The following DCC variants were observed in gnomAD, a reference collection of about 807,000 sequenced individuals.
DCC encodes the protein DCC netrin 1 receptor.
DCC carries 58 observed loss-of-function variants against 172.5 expected under a neutral mutation model. The ratio of observed to expected loss-of-function variants is 0.34; its 90% CI spans 0.27 to 0.42. The LOEUF is 0.42. Among genes scored for constraint, DCC ranks in the 10% least tolerant of loss-of-function variants. DCC has a pLI of 1.00. For missense variants in DCC, 1,740 were observed against 1,791.0 expected, an observed-to-expected ratio of 0.97 and a Z score of 0.51; for synonymous variants, 709 against 644.5, an observed-to-expected ratio of 1.10 and a Z score of -1.52.
At chr18:53,424,529 G>A (rs888200755) in intron 21 of DCC, among the ~76,000 whole-genome samples, 14 of 152,156 alleles carry the variant, frequency 9.2e-5, no homozygotes, top group African/African-American at 3.1e-4. Flanking sequence ...ACATGTGTAT[G>A]TTACGGGATT....
chr18:53,127,082 G>A (rs2043568807), intron 7 of DCC, among the ~76,000 whole-genome samples: 1 of 150,504 alleles, frequency 6.6e-6, no homozygotes, highest in Non-Finnish European at 1.5e-5. Context: ...TTTTTGGAAG[G>A]ATTTACTCAA....
intron 1 of DCC, among the ~76,000 whole-genome samples, chr18:52,615,386 C>G (rs188868454): frequency 6.6e-6 from 1 of 152,118 alleles, no homozygotes; most frequent in Non-Finnish European, 1.5e-5. Flanking sequence ...AGATTCAAAG[C>G]GGTGGGAACA....
At chr18:52,879,260 C>A (rs974413355) in intron 2 of DCC, among the ~76,000 whole-genome samples, 1 of 151,980 alleles carries the variant, frequency 6.6e-6, no homozygotes, top group African/African-American at 2.4e-5. Context: ...GAATAAAGTG[C>A]CCCCTGGGGC....
chr18:53,083,318 T>C (rs901601017), intron 7 of DCC, among the ~76,000 whole-genome samples: 1 of 152,102 alleles, frequency 6.6e-6, no homozygotes, highest in African/African-American at 2.4e-5. Context: ...AAGACTCAAT[T>C]GGCTATAAGT....
chr18:52,604,740 A>G (rs1221874), intron 1 of DCC, among the ~76,000 whole-genome samples: 123,638 of 152,084 alleles, frequency 0.81, 51,019 homozygotes, highest in Middle Eastern at 0.91. Context: ...AAAGGAGAAG[A>G]GTATGAGGGA....
At chr18:53,456,347 C>T (rs1462539250) in intron 23 of DCC, among the ~76,000 whole-genome samples, 1 of 152,052 alleles carries the variant, frequency 6.6e-6, no homozygotes, top group Non-Finnish European at 1.5e-5. Flanking sequence ...AAACAGAGAG[C>T]CTGGGAGGGT....
intron 7 of DCC, among the ~76,000 whole-genome samples, chr18:53,119,112 TC>T (rs1299666860): frequency 6.6e-6 from 1 of 151,736 alleles, no homozygotes; most frequent in African/African-American, 2.4e-5. Flanking sequence ...TTATGCTGTG[TC>T]CCCCTGAGGT....
At chr18:52,900,292 A>G (rs1035533085) in intron 2 of DCC, among the ~76,000 whole-genome samples, 1 of 152,240 alleles carries the variant, frequency 6.6e-6, no homozygotes, top group African/African-American at 2.4e-5. Flanking sequence ...CTTAACAGGC[A>G]TTGAGCAACA....
chr18:52,545,900 C>T (rs918437470), intron 1 of DCC, among the ~76,000 whole-genome samples: 2 of 152,200 alleles, frequency 1.3e-5, no homozygotes, highest in African/African-American at 4.8e-5. Context: ...TCAATGGCCA[C>T]TTGTTACACA....
At chr18:52,933,225 G>A (rs1000073677) in intron 5 of DCC, among the ~76,000 whole-genome samples, 1 of 152,090 alleles carries the variant, frequency 6.6e-6, no homozygotes, top group Admixed American at 6.6e-5. Context: ...AGTGCCTCTT[G>A]TGTACTAAGC....
At chr18:53,029,661 TATATC>T (rs1336947459) in intron 5 of DCC, among the ~76,000 whole-genome samples, 1 of 152,138 alleles carries the variant, frequency 6.6e-6, no homozygotes, top group East Asian at 1.9e-4. Context: ...AGGTGCATCA[TATATC>T]ATATTGTTTT....
intron 1 of DCC, among the ~76,000 whole-genome samples, chr18:52,342,325 C>A (rs1195212749): frequency 6.6e-6 from 1 of 151,970 alleles, no homozygotes; most frequent in African/African-American, 2.4e-5. Flanking sequence ...CTGTGATGAG[C>A]GCGTACCCGC....
chr18:52,521,354 G>T (rs1273291854), intron 1 of DCC, among the ~76,000 whole-genome samples: 1 of 151,976 alleles, frequency 6.6e-6, no homozygotes, highest in Non-Finnish European at 1.5e-5. Context: ...AGTCATCTTG[G>T]GCTGCCATAA....
intron 1 of DCC, among the ~76,000 whole-genome samples, chr18:52,498,394 T>A (rs1295697394): frequency 6.6e-6 from 1 of 151,950 alleles, no homozygotes; most frequent in African/African-American, 2.4e-5. Context: ...GGGGCCAAGG[T>A]GGGTGGATCA....
chr18:53,196,313 T>C (rs1462472575), intron 9 of DCC, among the ~76,000 whole-genome samples: 3 of 152,198 alleles, frequency 2.0e-5, no homozygotes, highest in Admixed American at 6.5e-5. Context: ...AGAATCTTCG[T>C]TGTTCACTAC....
At chr18:53,264,677 A>G (rs957566895) in intron 12 of DCC, among the ~76,000 whole-genome samples, 1 of 152,024 alleles carries the variant, frequency 6.6e-6, no homozygotes, top group Non-Finnish European at 1.5e-5. Flanking sequence ...GTTCAGTGGA[A>G]GACAGACCTG....
chr18:53,311,281 C>G (rs2057264935), intron 13 of DCC, among the ~76,000 whole-genome samples: 1 of 152,088 alleles, frequency 6.6e-6, no homozygotes, highest in African/African-American at 2.4e-5. Flanking sequence ...ACCACCACAC[C>G]TGGCTAATTT....
At chr18:52,411,706 T>C (rs1386334160) in intron 1 of DCC, among the ~76,000 whole-genome samples, 1 of 152,168 alleles carries the variant, frequency 6.6e-6, no homozygotes, top group Non-Finnish European at 1.5e-5. Context: ...TTCTTCCACA[T>C]ATTAGTCAAA....
chr18:53,339,740 C>G lies in DCC; in HGVS notation c.2192C>G (p.Ser731Cys), dbSNP rs1433453979. ...DESQVPDQPS[S>C]LHVRPQTNCI... ...TCTCAAGTTCCTGATCAACCAAGCTCTCTTCATGTGAGGCCCCAGACTAAC... is the reference window on the plus strand; with the variant it reads ...TCTCAAGTTCCTGATCAACCAAGCTGTCTTCATGTGAGGCCCCAGACTAAC... Residue 731 changes from serine (S) to cysteine (C), a missense_variant, in exon 15 of 29, where the codon TCT (serine) becomes TGT (cysteine). Around this residue, in one of 2 missense-constraint regions of DCC, gnomAD observed 1,732 missense variants for 1,767.4 expected, o/e 0.98. Transcript: ENST00000442544. 4 of 1,613,984 alleles carry G rather than the reference C, an allele frequency of 2.5e-6. No homozygotes were observed. Among genetic ancestry groups the G allele is most frequent in the Admixed American group, 3.3e-5 (2 of 59,974 alleles).
Sources: allele counts gnomAD v4.1 joint callset (sites outside exome capture counted in the v4.1 genomes callset), GRCh38; gene constraint gnomAD v4.1.1; regional missense constraint gnomAD v4.1.1; transcripts MANE v1.5; gene names NCBI Gene and HGNC (gene_info 2026-07-23, HGNC 2026-07-21).